Variants in IQCJ observed in about 807,000 individuals in gnomAD.
The protein encoded by IQCJ is IQ motif containing J.
A neutral mutation model predicts 11.0 loss-of-function variants in IQCJ; 9 were observed. The ratio of observed to expected loss-of-function variants is 0.82; its 90% CI spans 0.49 to 1.43. The LOEUF is 1.43. Ranked by LOEUF, IQCJ falls within the 40% of genes most tolerant of loss-of-function variation. The pLI, the probability that IQCJ is intolerant of heterozygous loss-of-function variation, is 0.00. For missense variants in IQCJ, 146 were observed against 133.2 expected (o/e 1.10, Z -0.47); for synonymous variants, 55 against 51.3 (o/e 1.07, Z -0.31).
chr3:159,084,933 ATACTT>A (rs1310549960), intron 1 of IQCJ, among the ~76,000 whole-genome samples: 1 of 150,388 alleles, frequency 6.6e-6, no homozygotes, highest in African/African-American at 2.4e-5. Flanking sequence ...TATTATTATT[ATACTT>A]TAAGTTTTAG....
At chr3:159,069,929 G>A (rs1165035909) in intron 1 of IQCJ, 4 of 273,308 alleles carry the variant, frequency 1.5e-5, no homozygotes, top group African/African-American at 8.9e-5. Context: ...AAAATTGGGA[G>A]AGAAGAGTTA....
intron 1 of IQCJ, among the ~76,000 whole-genome samples, chr3:159,173,838 T>C (rs764315747): frequency 1.3e-5 from 2 of 152,198 alleles, no homozygotes; most frequent in Non-Finnish European, 2.9e-5. Context: ...TTGTTCTTGT[T>C]GCATGTCTTT....
At chr3:159,214,606 A>G (rs1305532363) in intron 1 of IQCJ, among the ~76,000 whole-genome samples, 1 of 152,190 alleles carries the variant, frequency 6.6e-6, no homozygotes, top group East Asian at 1.9e-4. Context: ...GATGCTGGCA[A>G]TGATTTTCCT....
chr3:159,086,713 CTGTT>C (rs1387876234), intron 1 of IQCJ, among the ~76,000 whole-genome samples: 11 of 151,940 alleles, frequency 7.2e-5, no homozygotes, highest in African/African-American at 2.2e-4. Flanking sequence ...ATTTGGCTGT[CTGTT>C]TGTCTGTTAT....
chr3:159,165,619 C>CTT (rs72123015), intron 1 of IQCJ, among the ~76,000 whole-genome samples: 4 of 142,624 alleles, frequency 2.8e-5, no homozygotes, highest in African/African-American at 7.6e-5. Flanking sequence ...GTTAAAGCTT[C>CTT]TTTTTTTTTT....
intron 1 of IQCJ, among the ~76,000 whole-genome samples, chr3:159,089,304 G>T (rs1308918738): frequency 3.3e-5 from 5 of 152,052 alleles, no homozygotes; most frequent in Non-Finnish European, 5.9e-5. Context: ...TAGTCTGATG[G>T]GCTTCCCTTT....
chr3:159,090,492 G>A (rs868785259), intron 1 of IQCJ, among the ~76,000 whole-genome samples: 16 of 151,822 alleles, frequency 1.1e-4, no homozygotes, highest in African/African-American at 3.4e-4. Flanking sequence ...GAAGCACATC[G>A]TCCGTAGAGT....
At chr3:159,233,892 A>T (rs1317655307) in intron 1 of IQCJ, among the ~76,000 whole-genome samples, 2 of 152,212 alleles carry the variant, frequency 1.3e-5, no homozygotes, top group East Asian at 3.8e-4. Flanking sequence ...ACACATGATG[A>T]AACTGAGATC....
chr3:159,249,151 C>T (rs566657127), intron 2 of IQCJ, among the ~76,000 whole-genome samples: 12 of 152,154 alleles, frequency 7.9e-5, no homozygotes, highest in Non-Finnish European at 1.6e-4. Context: ...CCACTGCGCT[C>T]AACCCATTAT....
chr3:159,158,373 A>G (rs1577048460), intron 1 of IQCJ, among the ~76,000 whole-genome samples: 1 of 152,190 alleles, frequency 6.6e-6, no homozygotes, highest in East Asian at 1.9e-4. Flanking sequence ...TCTTCTGATG[A>G]AGAACAATTA....
chr3:159,244,945 G>T (rs192640608), intron 1 of IQCJ, among the ~76,000 whole-genome samples: 7 of 152,278 alleles, frequency 4.6e-5, no homozygotes, highest in East Asian at 1.9e-4. Flanking sequence ...CTCAGGGAAT[G>T]GTGGTCTTCC....
chr3:159,247,589 C>T (rs1176425885), intron 2 of IQCJ, among the ~76,000 whole-genome samples: 1 of 152,186 alleles, frequency 6.6e-6, no homozygotes, highest in Non-Finnish European at 1.5e-5. Flanking sequence ...CCTCTCTGTG[C>T]AGCATTCCTT....
chr3:159,090,292 T>A lies in IQCJ; in HGVS notation c.9+20851T>A, dbSNP rs998244491. 1.3e-4 allele frequency among the ~76,000 whole-genome samples: 20 copies of A among 151,898 alleles called. 2 individuals are homozygous for A. The highest frequency in any genetic ancestry group is 4.6e-4 in the African/African-American group (19 of 41,188). On this transcript the variant is annotated intron_variant, in intron 1 of 3. Transcript: ENST00000397832. ...AGGAGGCAGTCTGCCCGTTCTCAGA[T>A]CTCCAGCTGCGTGCTGGGAGAACCA...
chr3:159,189,614 G>A (rs375271494), intron 1 of IQCJ, among the ~76,000 whole-genome samples: 124 of 152,034 alleles, frequency 8.2e-4, no homozygotes, highest in African/African-American at 2.8e-3. Flanking sequence ...GGTCGTTTTA[G>A]TGGCTGATAT....
chr3:159,245,959 A>T, intron 2 of IQCJ, 52 bp downstream of exon 2: 1 of 1,360,782 alleles, frequency 7.3e-7, no homozygotes, highest in Admixed American at 2.3e-5. Flanking sequence ...AAGCTTGAGT[A>T]AAAAGAAAAT....
intron 3 of IQCJ, among the ~76,000 whole-genome samples, 191 bp downstream of exon 3, chr3:159,252,998 G>A (rs1727692616): frequency 6.6e-6 from 1 of 152,082 alleles, no homozygotes; most frequent in Non-Finnish European, 1.5e-5. Context: ...GGTAGTACAG[G>A]GAATTATTTG....
At chr3:159,213,365 TGCC>T (rs1444302934) in intron 1 of IQCJ, among the ~76,000 whole-genome samples, 1 of 152,204 alleles carries the variant, frequency 6.6e-6, no homozygotes, top group African/African-American at 2.4e-5. Flanking sequence ...TTATTCTAGT[TGCC>T]ACCAATCACA....
downstream of IQCJ, chr3:159,265,212 C>T: frequency 6.2e-7 from 1 of 1,612,476 alleles, no homozygotes; most frequent in Non-Finnish European, 8.5e-7. Context: ...CTGTGATCAT[C>T]AGTTTGCCAG....
At chr3:159,227,066 A>G (rs1396092878) in intron 1 of IQCJ, among the ~76,000 whole-genome samples, 1 of 152,204 alleles carries the variant, frequency 6.6e-6, no homozygotes, top group Non-Finnish European at 1.5e-5. Flanking sequence ...AGATGGTGCA[A>G]TGCTCTTAGG....
Sources: allele counts gnomAD v4.1 joint callset (sites outside exome capture counted in the v4.1 genomes callset), GRCh38; gene constraint gnomAD v4.1.1; transcripts MANE v1.5; gene names NCBI Gene and HGNC (gene_info 2026-07-23, HGNC 2026-07-21).